Variants in PRKD1 observed in about 807,000 individuals in gnomAD.
The protein encoded by PRKD1 is protein kinase D1.
A neutral mutation model predicts 95.9 loss-of-function variants in PRKD1; 63 were observed. The observed-to-expected ratio is 0.66, with a 90% CI of 0.54 to 0.81. The LOEUF (loss-of-function observed/expected upper bound fraction) is 0.81. PRKD1 is among the 30% of genes least tolerant of loss of function. PRKD1 has a pLI of 0.00. For synonymous variants in PRKD1, 425 were observed against 423.1 expected, an observed-to-expected ratio of 1.00 and a Z score of -0.05; for missense variants, 1,048 against 1,165.3, an observed-to-expected ratio of 0.90 and a Z score of 1.47.
intron 1 of PRKD1, among the ~76,000 whole-genome samples, chr14:29,839,087 A>G (rs566138737): frequency 1.1e-4 from 17 of 152,308 alleles, no homozygotes; most frequent in Non-Finnish European, 8.8e-5. Flanking sequence ...ATTCACATCA[A>G]TAAACGAAAA....
At chr14:29,750,612 G>GCA (rs1555341347) in intron 1 of PRKD1, among the ~76,000 whole-genome samples, 8 of 116,556 alleles carry the variant, frequency 6.9e-5, no homozygotes, top group South Asian at 3.1e-4. Flanking sequence ...ATGCATGAAC[G>GCA]CGCGCACACA....
chr14:29,737,802 G>C (rs1217073911), intron 1 of PRKD1, among the ~76,000 whole-genome samples: 1 of 152,148 alleles, frequency 6.6e-6, no homozygotes, highest in Non-Finnish European at 1.5e-5. Context: ...GATCATTTGA[G>C]AGAACCAAGA....
intron 1 of PRKD1, among the ~76,000 whole-genome samples, chr14:29,922,000 G>C (rs1680711631): frequency 6.6e-6 from 1 of 152,128 alleles, no homozygotes; most frequent in Non-Finnish European, 1.5e-5. Context: ...GTACATACCT[G>C]TTTTAAAAAG....
chr14:29,736,032 G>A (rs533113755), intron 1 of PRKD1, among the ~76,000 whole-genome samples: 2 of 152,270 alleles, frequency 1.3e-5, no homozygotes, highest in African/African-American at 4.8e-5. Context: ...ATATCAAAAT[G>A]ACTAAAGTAT....
At chr14:29,705,003 T>C (rs933271180) in intron 2 of PRKD1, among the ~76,000 whole-genome samples, 1 of 152,120 alleles carries the variant, frequency 6.6e-6, no homozygotes, top group Non-Finnish European at 1.5e-5. Flanking sequence ...AATGCCACTT[T>C]AGATTGCTCT....
chr14:29,843,165 G>T (rs1338733766), intron 1 of PRKD1, among the ~76,000 whole-genome samples: 4 of 152,030 alleles, frequency 2.6e-5, no homozygotes, highest in Non-Finnish European at 5.9e-5. Context: ...CAATATGAAT[G>T]GTGTCTTTAT....
intron 1 of PRKD1, among the ~76,000 whole-genome samples, chr14:29,796,246 T>C (rs1391148830): frequency 1.3e-5 from 2 of 152,282 alleles, no homozygotes; most frequent in East Asian, 1.9e-4. Context: ...TGATTCTAGT[T>C]TCTCTATCTT....
intron 13 of PRKD1, among the ~76,000 whole-genome samples, chr14:29,621,294 T>A (rs1879244099): frequency 6.6e-6 from 1 of 151,974 alleles, no homozygotes; most frequent in South Asian, 2.1e-4. Context: ...TATACATATG[T>A]AACTAACCTG....
chr14:29,595,808 T>C (rs1566474148), intron 16 of PRKD1, among the ~76,000 whole-genome samples: 1 of 152,192 alleles, frequency 6.6e-6, no homozygotes, highest in South Asian at 2.1e-4. Context: ...TCAGTGGTAT[T>C]ACGGATTTGC....
chr14:29,745,146 C>T (rs1304851183), intron 1 of PRKD1, among the ~76,000 whole-genome samples: 1 of 152,208 alleles, frequency 6.6e-6, no homozygotes, highest in Non-Finnish European at 1.5e-5. Flanking sequence ...CTTAGAGAGG[C>T]TTTCCCTGAC....
rs192051252 is a variant in PRKD1, at chr14:29,830,873, C to T, written c.264+96376G>A. Among the ~76,000 whole-genome samples, 270 of 152,008 alleles carry T rather than the reference C, an allele frequency of 1.8e-3. 1 individual carries two copies. Among genetic ancestry groups the T allele is most frequent in the Middle Eastern group, 0.01 (3 of 294 alleles). The stretch of plus-strand genomic sequence containing the variant: ...ACGCCCAACTAATTTTTTGTAGAAA[C>T]GGGGTTTCGCCATATTGCCCAGGCT... On this transcript the variant is annotated intron_variant, in intron 1 of 17. Coordinates refer to ENST00000331968, the MANE Select transcript of PRKD1 (RefSeq NM_002742.3).
intron 1 of PRKD1, among the ~76,000 whole-genome samples, chr14:29,779,415 A>C (rs1888933357): frequency 6.6e-6 from 1 of 152,216 alleles, no homozygotes; most frequent in Non-Finnish European, 1.5e-5. Context: ...AATCTCCTTA[A>C]GCTGATAAGC....
At chr14:29,639,821 T>G (rs1054066283) in intron 4 of PRKD1, among the ~76,000 whole-genome samples, 2 of 152,134 alleles carry the variant, frequency 1.3e-5, no homozygotes, top group African/African-American at 4.8e-5. Context: ...ATGTTTTGGA[T>G]GTAATTTTAT....
rs372964317 is a variant in PRKD1 at position 29,675,232 on chromosome 14, A to G, written c.404-9024T>C. ...ATTAGAATAAAAGAAGAGCTTTAAG[A>G]AAAATCTGATTTTCTGCTTTTCCAT... is the stretch of plus-strand genomic sequence containing the variant. On this transcript the variant is annotated intron_variant, in intron 2 of 17. Transcript: ENST00000331968. Among the ~76,000 whole-genome samples, 32 of 152,224 alleles carry G rather than the reference A, an allele frequency of 2.1e-4. No individual in the cohort carries two copies. In the East Asian group the frequency reaches 2.5e-3, roughly 12 times the overall value.
intron 13 of PRKD1, among the ~76,000 whole-genome samples, chr14:29,623,681 G>A (rs562034256): frequency 1.3e-5 from 2 of 152,134 alleles, no homozygotes; most frequent in Admixed American, 6.5e-5. Context: ...GACAATGCCC[G>A]ATGTCAAATG....
At chr14:29,597,285 T>C (rs1893341850) in intron 16 of PRKD1, among the ~76,000 whole-genome samples, 1 of 152,202 alleles carries the variant, frequency 6.6e-6, no homozygotes, top group Admixed American at 6.6e-5. Flanking sequence ...TCTCTGGTTG[T>C]TCACTTACTT....
intron 1 of PRKD1, among the ~76,000 whole-genome samples, chr14:29,800,145 G>A (rs768589447): frequency 1.1e-4 from 17 of 152,210 alleles, no homozygotes; most frequent in Admixed American, 5.9e-4. Flanking sequence ...TGTATAGGTC[G>A]TTCAGAAAAA....
At chr14:29,785,567 CTGAT>C (rs1440831502) in intron 1 of PRKD1, among the ~76,000 whole-genome samples, 1 of 150,670 alleles carries the variant, frequency 6.6e-6, no homozygotes, top group Non-Finnish European at 1.5e-5. Flanking sequence ...TTTTTCTTGA[CTGAT>C]TGTTCCGAAT....
intron 16 of PRKD1, among the ~76,000 whole-genome samples, chr14:29,581,800 T>C (rs931633850): frequency 1.3e-5 from 2 of 152,196 alleles, no homozygotes; most frequent in African/African-American, 2.4e-5. Context: ...CTTTCTGTCA[T>C]GCTCACACCG....
Sources: gnomAD v4.1 joint callset for allele counts (sites outside exome capture counted in the v4.1 genomes callset) on GRCh38, gnomAD v4.1.1 for gene constraint, MANE v1.5 for transcripts, NCBI Gene and HGNC (gene_info 2026-07-23, HGNC 2026-07-21) for gene names.